The following KMT2E variants were observed in gnomAD, a reference collection of about 807,000 sequenced individuals.
KMT2E encodes the protein histone reader KMT2E.
KMT2E carries 30 observed loss-of-function variants against 184.6 expected under a neutral mutation model. The observed-to-expected ratio is 0.16, with a 90% CI of 0.12 to 0.22. KMT2E has a LOEUF of 0.22. KMT2E is among the 10% of genes least tolerant of loss of function. KMT2E has a pLI of 1.00. For missense variants in KMT2E, 2,023 were observed against 2,237.4 expected (o/e 0.90, Z 1.93); for synonymous variants, 815 against 776.5 (o/e 1.05, Z -0.82).
chr7:105,063,267 G>A, intron 4 of KMT2E, 84 bp from the exon 5 acceptor site: 1 of 965,288 alleles, frequency 1.0e-6, no homozygotes, highest in Non-Finnish European at 1.5e-6. Flanking sequence ...TTGAAATTAA[G>A]GGTTGAATTT....
chr7:105,098,098 T>C (rs1798493532), intron 15 of KMT2E, among the ~76,000 whole-genome samples: 1 of 152,216 alleles, frequency 6.6e-6, no homozygotes, highest in Non-Finnish European at 1.5e-5. Flanking sequence ...TACCCATCTT[T>C]TTAGATTTAT....
chr7:105,072,985 T>G (rs1797385092), intron 6 of KMT2E, among the ~76,000 whole-genome samples: 1 of 151,976 alleles, frequency 6.6e-6, no homozygotes. Flanking sequence ...ATAGATTCAA[T>G]TCAGTGTCAT....
At chr7:105,087,239 AAAG>A (rs1798016554) in intron 13 of KMT2E, among the ~76,000 whole-genome samples, 2 of 146,092 alleles carry the variant, frequency 1.4e-5, no homozygotes, top group African/African-American at 2.5e-5. Context: ...GCATATATAT[AAAG>A]AGATACCATT....
At chr7:105,031,463 T>C (rs1795413413) in intron 1 of KMT2E, among the ~76,000 whole-genome samples, 1 of 148,638 alleles carries the variant, frequency 6.7e-6, no homozygotes, top group Non-Finnish European at 1.5e-5. Context: ...ATTTAATGGC[T>C]GAAAAAGGTG....
At chr7:105,067,652 T>C (rs938920086) in intron 6 of KMT2E, among the ~76,000 whole-genome samples, 1 of 152,214 alleles carries the variant, frequency 6.6e-6, no homozygotes, top group Non-Finnish European at 1.5e-5. Flanking sequence ...TTTCAGAATA[T>C]GTCTGTCAAT....
chr7:105,091,509 A>G, intron 15 of KMT2E, 195 bp downstream of exon 15: 1 of 606,002 alleles, frequency 1.7e-6, no homozygotes, highest in Non-Finnish European at 3.0e-6. Flanking sequence ...TGTTCATTAG[A>G]GATTTAAGAA....
chr7:105,107,960 GTTTTTT>G, intron 22 of KMT2E, 35 bp downstream of exon 22: 1 of 1,083,356 alleles, frequency 9.2e-7, no homozygotes, highest in Non-Finnish European at 1.2e-6. Context: ...CCTTTTAATA[GTTTTTT>G]TTTTTTTTTC....
At position 105,114,092 on chromosome 7, in the gene KMT2E, T is replaced by C. The variant is rs982481439; in HGVS notation, c.*759T>C. 12 of 152,634 alleles carry C rather than the reference T, an allele frequency of 7.9e-5. No homozygotes were observed. The highest frequency in any genetic ancestry group is 2.7e-4 in the African/African-American group (11 of 41,458). 9.5% of individuals were successfully genotyped at this position (152,634 alleles called of 1,614,324 possible). On this transcript the variant is annotated 3_prime_UTR_variant, in exon 27 of 27. Transcript: ENST00000311117. ...CACAATTATGTCAGTTTTACCAGAT[T>C]GTCCTGTACAACTTCTAAGATCGGG...
rs1799483437 is a variant in KMT2E at position 105,114,120 on chromosome 7, C to CTGTG, written c.*791_*794dup. The CTGTG allele has an allele frequency of 6.6e-6, 1 of 152,498 alleles. No homozygotes were observed. Among genetic ancestry groups the CTGTG allele is most frequent in the Non-Finnish European group, 1.5e-5 (1 of 68,048 alleles). The allele number at this position is 152,498 out of a possible 1,614,324, so 9.4% of individuals were successfully genotyped here. ...CCTGTACAACTTCTAAGATCGGGATCTGTGTGTTTCTACAGAAGTTCTAGT... is the reference window on the plus strand; with the variant it reads ...CCTGTACAACTTCTAAGATCGGGATCTGTGTGTGTGTTTCTACAGAAGTTCTAGT... On this transcript the variant is annotated 3_prime_UTR_variant, in exon 27 of 27. Transcript: ENST00000311117.
At chr7:105,031,388 G>A (rs1219906585) in intron 1 of KMT2E, among the ~76,000 whole-genome samples, 1 of 151,206 alleles carries the variant, frequency 6.6e-6, no homozygotes, top group Non-Finnish European at 1.5e-5. Flanking sequence ...GGGTGGGGAA[G>A]AAAGAATGAC....
chr7:105,111,799 G>A, intron 26 of KMT2E, 26 bp from the exon 27 acceptor site: 2 of 1,580,308 alleles, frequency 1.3e-6, no homozygotes, highest in South Asian at 2.4e-5. Context: ...TTCCTTGAAT[G>A]TATATAATTT....
chr7:105,091,543 A>G, intron 15 of KMT2E: 1 of 574,722 alleles, frequency 1.7e-6, no homozygotes, highest in Non-Finnish European at 3.1e-6. Flanking sequence ...AGAAATATGA[A>G]CATTTTGGAA....
At chr7:105,088,225 C>T (rs1035401648) in intron 13 of KMT2E, among the ~76,000 whole-genome samples, 3 of 152,120 alleles carry the variant, frequency 2.0e-5, no homozygotes, top group African/African-American at 4.8e-5. Context: ...CATTACCTCA[C>T]GTATATGAGA....
intron 1 of KMT2E, among the ~76,000 whole-genome samples, chr7:105,037,744 C>CT (rs953435098): frequency 1.1e-4 from 17 of 151,948 alleles, no homozygotes; most frequent in African/African-American, 9.7e-5. Context: ...ACTTTAATTG[C>CT]TTTTTTTGCC....
chr7:105,106,067 A>G (rs1798885741), intron 19 of KMT2E, 64 bp downstream of exon 19: 3 of 1,434,818 alleles, frequency 2.1e-6, no homozygotes, highest in Non-Finnish European at 2.8e-6. Context: ...CAGCTTTATA[A>G]CAGGCATATT....
chr7:105,045,224 C>T (rs1000873976), intron 3 of KMT2E, among the ~76,000 whole-genome samples: 1 of 152,194 alleles, frequency 6.6e-6, no homozygotes, highest in Non-Finnish European at 1.5e-5. Flanking sequence ...TTACATTGCC[C>T]GATCTTGCAG....
At chr7:105,063,208 T>G in intron 4 of KMT2E, 143 bp from the exon 5 acceptor site, 1 of 592,038 alleles carries the variant, frequency 1.7e-6, no homozygotes, top group Non-Finnish European at 2.8e-6. Context: ...CAAGTCATTT[T>G]TTTAATGGTA....
intron 1 of KMT2E, among the ~76,000 whole-genome samples, chr7:105,024,486 C>T (rs1013562755): frequency 1.3e-4 from 20 of 152,164 alleles, no homozygotes; most frequent in African/African-American, 4.3e-4. Flanking sequence ...TTAGAATTGA[C>T]TTAAGAGAAC....
intron 12 of KMT2E, among the ~76,000 whole-genome samples, chr7:105,080,836 C>A (rs955936136): frequency 6.6e-6 from 1 of 151,742 alleles, no homozygotes; most frequent in Non-Finnish European, 1.5e-5. Flanking sequence ...CATGGTGAAA[C>A]CCCATCCCTA....
Sources: gnomAD v4.1 joint callset for allele counts (sites outside exome capture counted in the v4.1 genomes callset) on GRCh38, gnomAD v4.1.1 for gene constraint, MANE v1.5 for transcripts, NCBI Gene and HGNC (gene_info 2026-07-23, HGNC 2026-07-21) for gene names.